The following TULP4 variants were observed in gnomAD, a reference collection of about 807,000 sequenced individuals.
TULP4 encodes TUB like protein 4, also known as tubby-related protein 4.
A neutral mutation model predicts 129.0 loss-of-function variants in TULP4; 16 were observed. That is an observed-to-expected ratio of 0.12 (90% CI 0.08 to 0.19). The LOEUF is 0.19. Ranked by LOEUF, TULP4 falls within the 10% of genes least tolerant of loss-of-function variation. The pLI is 1.00. For synonymous variants in TULP4, 998 were observed against 854.0 expected (o/e 1.17, Z -2.94); for missense variants, 1,842 against 2,059.1 (o/e 0.89, Z 2.04).
intron 4 of TULP4, among the ~76,000 whole-genome samples, chr6:158,450,524 G>C (rs1779141736): frequency 6.6e-6 from 1 of 152,128 alleles, no homozygotes; most frequent in Admixed American, 6.5e-5. Context: ...TAGTGTTTTA[G>C]GACCAGTGGC....
chr6:158,501,764 A>G lies in TULP4; in HGVS notation c.2101A>G (p.Met701Val), dbSNP rs780163148. 1.7e-5 allele frequency: 27 copies of G among 1,613,994 alleles called. 1 individual carries two copies. Among genetic ancestry groups the G allele is most frequent in the Admixed American group, 5.0e-5 (3 of 59,998 alleles). The change falls in exon 13 of 14, where the codon ATG (methionine) becomes GTG (valine). Residue 701 changes from methionine (M) to valine (V), a missense_variant. Transcript: ENST00000367097. ...IAPIHSSAQAMSPTQSIGLVQ... is the reference protein window; with the variant it reads ...IAPIHSSAQAVSPTQSIGLVQ... ...ACCGATCCACAGCTCGGCTCAGGCT[A>G]TGTCCCCCACGCAGAGCATAGGGCT...
At chr6:158,295,587 T>TA (rs1779013438) in intron 1 of TULP4, among the ~76,000 whole-genome samples, 1 of 148,076 alleles carries the variant, frequency 6.8e-6, no homozygotes, top group African/African-American at 2.6e-5. Context: ...ACCACCCAGG[T>TA]AAAGAAATAT....
At chr6:158,378,165 G>T (rs1318761483) in intron 1 of TULP4, among the ~76,000 whole-genome samples, 1 of 152,100 alleles carries the variant, frequency 6.6e-6, no homozygotes, top group Non-Finnish European at 1.5e-5. Flanking sequence ...GCTTGGAACT[G>T]GCACATCCTC....
intron 5 of TULP4, among the ~76,000 whole-genome samples, chr6:158,457,535 T>C (rs1461360245): frequency 6.6e-6 from 1 of 152,200 alleles, no homozygotes; most frequent in Non-Finnish European, 1.5e-5. Flanking sequence ...TGATTCACTT[T>C]GCTTGGGGTT....
chr6:158,493,865 G>A lies in TULP4; in HGVS notation c.1776+148G>A. 2 of 888,286 alleles carry A rather than the reference G, an allele frequency of 2.3e-6. No homozygotes were observed. Among genetic ancestry groups the A allele is most frequent in the South Asian group, 4.8e-5 (2 of 42,046 alleles). The allele number at this position is 888,286 out of a possible 1,614,324, so 55.0% of individuals were successfully genotyped here. A position where few individuals can be genotyped will look rare whatever the true frequency, so the allele number is the denominator to read the frequency against. ...TCCTGCACACCACCTACTACCTCAGGAGTAGCCCTCAGGTGGAGCTCTGGC... is the reference window on the plus strand; with the variant it reads ...TCCTGCACACCACCTACTACCTCAGAAGTAGCCCTCAGGTGGAGCTCTGGC... On this transcript the variant is annotated intron_variant, in intron 10 of 13. Coordinates refer to ENST00000367097, the MANE Select transcript of TULP4 (RefSeq NM_020245.5). This position sits in a 1 kb window ranked among gnomAD's most constrained non-coding sequence, Gnocchi z 4.4.
In TULP4 at chr6:158,494,776, G is replaced by C; in HGVS notation, c.1800G>C (p.Thr600=). 6.2e-7 allele frequency: 1 copy of C among 1,613,944 alleles called. No individual in the cohort carries two copies. The highest frequency in any genetic ancestry group is 1.1e-5 in the South Asian group (1 of 91,052). The change falls in exon 11 of 14, where the codon ACG becomes ACC. Residue 600 remains threonine (T), a synonymous_variant. Transcript: ENST00000367097. ...ITQHNYLAQV[T]SNIWGTKFKI... ...AGCACAACTATCTTGCTCAGGTCAC[G>C]TCTAATATCTGGGGAACCAAATTTA...
intron 3 of TULP4, among the ~76,000 whole-genome samples, chr6:158,440,259 A>G (rs1296777648): frequency 6.9e-6 from 1 of 144,860 alleles, no homozygotes; most frequent in East Asian, 2.1e-4. Flanking sequence ...TTGAGACCAC[A>G]GTGAGCCATG....
chr6:158,278,986 C>T (rs1216420343), upstream of TULP4, among the ~76,000 whole-genome samples: 2 of 143,222 alleles, frequency 1.4e-5, no homozygotes, highest in Non-Finnish European at 3.0e-5. Context: ...GTCCCCCAGG[C>T]TGGAGTGCAG....
intron 1 of TULP4, among the ~76,000 whole-genome samples, chr6:158,379,419 T>G (rs888500402): frequency 6.6e-6 from 1 of 152,202 alleles, no homozygotes; most frequent in Admixed American, 6.5e-5. Context: ...AGGGGACTTA[T>G]GGACAGAGTG....
chr6:158,375,022 C>T (rs1482840438), intron 1 of TULP4, among the ~76,000 whole-genome samples: 1 of 152,084 alleles, frequency 6.6e-6, no homozygotes, highest in Non-Finnish European at 1.5e-5. Flanking sequence ...GCGGGCGGGT[C>T]ACTTGAGGTC....
At chr6:158,466,219 G>A (rs1779551383) in intron 6 of TULP4, among the ~76,000 whole-genome samples, 1 of 152,168 alleles carries the variant, frequency 6.6e-6, no homozygotes, top group Non-Finnish European at 1.5e-5. Flanking sequence ...CAGTTTTTAA[G>A]GTTTTTCTGG....
intron 1 of TULP4, among the ~76,000 whole-genome samples, chr6:158,290,400 T>C (rs765590184): frequency 2.0e-5 from 3 of 152,212 alleles, no homozygotes; most frequent in Admixed American, 6.5e-5. Flanking sequence ...GTTCCTTATA[T>C]ATTCTAGTTG....
At chr6:158,402,045 C>T (rs1416422275) in intron 1 of TULP4, among the ~76,000 whole-genome samples, 43 of 152,126 alleles carry the variant, frequency 2.8e-4, no homozygotes, top group Non-Finnish European at 7.4e-5. Context: ...TGCAAAATGC[C>T]TCCTGATTTA....
chr6:158,242,777 A>G, intron 1 of TULP4: 1 of 382,796 alleles, frequency 2.6e-6, no homozygotes, highest in Non-Finnish European at 5.0e-6. Flanking sequence ...GGTTCACTTC[A>G]CTCCACACAG....
intron 2 of TULP4, among the ~76,000 whole-genome samples, chr6:158,415,600 T>C (rs1778190353): frequency 6.7e-6 from 1 of 149,150 alleles, no homozygotes; most frequent in African/African-American, 2.5e-5. Flanking sequence ...GACCTCATGA[T>C]CCACCCGCGT....
intron 1 of TULP4, chr6:158,242,125 TA>T: frequency 1.1e-6 from 1 of 879,066 alleles, no homozygotes; most frequent in South Asian, 1.3e-5. Flanking sequence ...CTGCAGAATA[TA>T]GGCCATCTGA....
Position 158,501,673 on chromosome 6 carries a change from TC to T in TULP4, c.2015-3del. On this transcript the variant is annotated splice_polypyrimidine_tract_variant and splice_region_variant and intron_variant, in intron 12 of 13. Coordinates refer to ENST00000367097, the MANE Select transcript of TULP4 (RefSeq NM_020245.5). ...AAGCAGTTCCTTTTTCTAATTTTCT[TC>T]CAGTGACAGGAGCATCTGGTGTCCC... 1 of 1,601,218 alleles carries T rather than the reference TC, an allele frequency of 6.2e-7. No individual in the cohort carries two copies. Among genetic ancestry groups the T allele is most frequent in the Non-Finnish European group, 8.5e-7 (1 of 1,170,270 alleles).
At chr6:158,307,175 A>G (rs969167977) in intron 1 of TULP4, among the ~76,000 whole-genome samples, 1 of 152,238 alleles carries the variant, frequency 6.6e-6, no homozygotes, top group African/African-American at 2.4e-5. Flanking sequence ...TGGCAGCAAT[A>G]TCTAATGTCT....
chr6:158,364,309 A>G (rs779769101), intron 1 of TULP4, among the ~76,000 whole-genome samples: 4 of 152,238 alleles, frequency 2.6e-5, no homozygotes, highest in Non-Finnish European at 4.4e-5. Context: ...GGGAGTCAAC[A>G]TGCCAAGGTT....
Sources: allele counts gnomAD v4.1 joint callset (sites outside exome capture counted in the v4.1 genomes callset), GRCh38; gene constraint gnomAD v4.1.1; non-coding constraint Gnocchi (gnomAD v3.1); transcripts MANE v1.5; gene names NCBI Gene and HGNC (gene_info 2026-07-23, HGNC 2026-07-21).